Variants in MERTK observed in about 807,000 individuals in gnomAD.
MERTK encodes tyrosine-protein kinase Mer.
A neutral mutation model predicts 99.3 loss-of-function variants in MERTK; 69 were observed. The observed-to-expected ratio is 0.70, with a 90% CI of 0.57 to 0.85. The LOEUF is 0.85. MERTK is among the 40% of genes least tolerant of loss of function. The pLI, the probability that MERTK is intolerant of heterozygous loss-of-function variation, is 0.00. For missense variants in MERTK, 1,125 were observed against 1,249.4 expected (o/e 0.90, Z 1.50); for synonymous variants, 426 against 467.6 (o/e 0.91, Z 1.15).
In MERTK at chr2:112,029,215, C is replaced by A; in HGVS notation, c.*351C>A. On this transcript the variant is annotated 3_prime_UTR_variant, in exon 19 of 19. Coordinates refer to ENST00000295408, the MANE Select transcript of MERTK (RefSeq NM_006343.3). ...TTTCAAGTTCTTTTCTTTTTCATGA[C>A]TATTAAATGTAAAAATATTTGTAAA... 1 of 995,634 alleles carries A rather than the reference C, an allele frequency of 1.0e-6. No homozygotes were observed. The highest frequency in any genetic ancestry group is 1.2e-6 in the Non-Finnish European group (1 of 832,118). 61.7% of individuals were successfully genotyped at this position (995,634 alleles called of 1,614,324 possible).
intron 4 of MERTK, among the ~76,000 whole-genome samples, chr2:111,953,965 G>A (rs574355311): frequency 2.0e-5 from 3 of 152,148 alleles, no homozygotes; most frequent in African/African-American, 7.2e-5. Flanking sequence ...CTGGTTCATC[G>A]CCAGGACTGT....
chr2:111,922,422 G>A (rs1436261400), intron 1 of MERTK, among the ~76,000 whole-genome samples: 5 of 152,198 alleles, frequency 3.3e-5, no homozygotes, highest in Admixed American at 6.5e-5. Flanking sequence ...CGCATCCCAA[G>A]CCCGATGTAT....
At chr2:111,996,705 C>T (rs929008798) in intron 9 of MERTK, among the ~76,000 whole-genome samples, 5 of 152,118 alleles carry the variant, frequency 3.3e-5, no homozygotes, top group East Asian at 1.9e-4. Flanking sequence ...CCAGAGAAAG[C>T]GACACTGTCA....
At chr2:111,960,732 T>C (rs1361291806) in intron 4 of MERTK, among the ~76,000 whole-genome samples, 4 of 152,014 alleles carry the variant, frequency 2.6e-5, no homozygotes, top group African/African-American at 9.7e-5. Context: ...GATGAAATTC[T>C]TGGGGCTGGT....
chr2:111,967,084 G>T (rs530540516), intron 5 of MERTK, among the ~76,000 whole-genome samples: 5 of 152,182 alleles, frequency 3.3e-5, no homozygotes, highest in Admixed American at 2.6e-4. Context: ...AGCAGGTCAG[G>T]TGGTAAACCA....
intron 15 of MERTK, among the ~76,000 whole-genome samples, chr2:112,014,717 C>A (rs1419672135): frequency 4.5e-4 from 69 of 151,932 alleles, no homozygotes; most frequent in Admixed American, 4.5e-3. Flanking sequence ...CTCACTGCCA[C>A]CTATGCCTCC....
intron 1 of MERTK, among the ~76,000 whole-genome samples, chr2:111,917,815 G>A (rs4290663): frequency 0.46 from 69,984 of 151,046 alleles, 16,380 homozygotes; most frequent in East Asian, 0.73. Context: ...AACCTGGGAG[G>A]TGGAGGTTGC....
intron 18 of MERTK, among the ~76,000 whole-genome samples, chr2:112,027,547 C>G (rs190012235): frequency 1.9e-4 from 29 of 152,148 alleles, no homozygotes; most frequent in African/African-American, 6.0e-4. Flanking sequence ...AAAAAACCAC[C>G]CAGAAGAGAG....
intron 1 of MERTK, among the ~76,000 whole-genome samples, chr2:111,903,813 G>A (rs574852592): frequency 6.6e-6 from 1 of 152,290 alleles, no homozygotes; most frequent in South Asian, 2.1e-4. Context: ...ATTGTTAGGA[G>A]GACGTAATGA....
intron 8 of MERTK, among the ~76,000 whole-genome samples, chr2:111,989,532 T>C (rs1407473558): frequency 6.6e-6 from 1 of 152,128 alleles, no homozygotes; most frequent in Non-Finnish European, 1.5e-5. Context: ...ATTTTCTGTA[T>C]TTTTAGTAGA....
chr2:112,020,791 C>G, intron 16 of MERTK: 1 of 413,132 alleles, frequency 2.4e-6, no homozygotes, highest in Non-Finnish European at 4.9e-6. Context: ...AGCTGCTGCT[C>G]TTTCTGCTCC....
chr2:111,932,428 G>A (rs570766388), intron 2 of MERTK, among the ~76,000 whole-genome samples: 2 of 152,246 alleles, frequency 1.3e-5, no homozygotes, highest in East Asian at 1.9e-4. Context: ...TGATCCACCC[G>A]CCTCAGCCTC....
rs903054880 is a variant in MERTK, at chr2:112,022,230, T to C, written c.2350-28T>C. On this transcript the variant is annotated intron_variant, in intron 17 of 18. Transcript: ENST00000295408. ...TTCAGGCTTTGTGGAAAGGCTTGCA[T>C]CCTAACTTGTTGTTGCTTTGTTCCC... 2.5e-6 allele frequency: 4 copies of C among 1,614,088 alleles called. No individual in the cohort carries two copies. In the African/African-American group the frequency reaches 4.0e-5, roughly 16 times the overall value.
rs1309140887 is a variant in MERTK, at chr2:112,022,395, G to C, written c.2486+1G>C. On this transcript the variant is annotated splice_donor_variant, in intron 18 of 18. Transcript: ENST00000295408. LOFTEE classifies it high-confidence loss of function. ...AGCCCGAAGACTGCCTGGATGAACTGTGAGTGGGCTTCTCTGTCTCCCTTC... is the reference window on the plus strand; with the variant it reads ...AGCCCGAAGACTGCCTGGATGAACTCTGAGTGGGCTTCTCTGTCTCCCTTC... 6.2e-7 allele frequency: 1 copy of C among 1,614,120 alleles called. No individual in the cohort carries two copies. The highest frequency in any genetic ancestry group is 1.3e-5 in the African/African-American group (1 of 74,932).
At chr2:111,902,194 A>G (rs1200776380) in intron 1 of MERTK, among the ~76,000 whole-genome samples, 1 of 152,184 alleles carries the variant, frequency 6.6e-6, no homozygotes, top group East Asian at 1.9e-4. Flanking sequence ...CAATAATTAT[A>G]TTTTTAAATC....
At chr2:112,021,306 G>T in intron 16 of MERTK, 116 bp from the exon 17 acceptor site, 1 of 1,444,382 alleles carries the variant, frequency 6.9e-7, no homozygotes, top group East Asian at 2.3e-5. Flanking sequence ...CAGGCTGGTG[G>T]TGTCTCTGTG....
chr2:111,972,533 G>A (rs934164622), intron 6 of MERTK, among the ~76,000 whole-genome samples: 2 of 152,186 alleles, frequency 1.3e-5, no homozygotes, highest in African/African-American at 4.8e-5. Flanking sequence ...GGTTTTGGGT[G>A]TTCATGGTAC....
intron 5 of MERTK, among the ~76,000 whole-genome samples, chr2:111,965,931 T>C (rs909172644): frequency 2.6e-5 from 4 of 152,180 alleles, no homozygotes; most frequent in African/African-American, 9.7e-5. Flanking sequence ...AGGCACACAT[T>C]TGAAGGCCTC....
At chr2:112,023,246 C>G (rs1430935621) in intron 18 of MERTK, among the ~76,000 whole-genome samples, 2 of 152,040 alleles carry the variant, frequency 1.3e-5, no homozygotes, top group East Asian at 3.9e-4. Context: ...AACCCCGTCT[C>G]CGCTAAAAAT....
Sources: allele counts gnomAD v4.1 joint callset (sites outside exome capture counted in the v4.1 genomes callset), GRCh38; gene constraint gnomAD v4.1.1; transcripts MANE v1.5; gene names NCBI Gene and HGNC (gene_info 2026-07-23, HGNC 2026-07-21).